UMAD1: variants seen among roughly 807,000 people sequenced by gnomAD.
UMAD1 encodes the protein UBAP1-MVB12-associated (UMA) domain containing 1.
UMAD1 carries 8 observed loss-of-function variants against 6.1 expected under a neutral mutation model. The observed-to-expected ratio is 1.30, with a 90% CI of 0.76 to 2.35. The LOEUF (loss-of-function observed/expected upper bound fraction) is 2.35. UMAD1 is among the 30% of genes most tolerant of loss of function. UMAD1 has a pLI of 0.00. For missense variants in UMAD1, 130 were observed against 78.4 expected (o/e 1.66, Z -2.49); for synonymous variants, 56 against 31.4 (o/e 1.78, Z -2.61).
intron 1 of UMAD1, among the ~76,000 whole-genome samples, chr7:7,671,344 G>T (rs1019047962): frequency 1.3e-5 from 2 of 152,200 alleles, no homozygotes; most frequent in Middle Eastern, 3.4e-3. Flanking sequence ...CAAGGCTTCA[G>T]TTGGAGACCC....
intron 1 of UMAD1, among the ~76,000 whole-genome samples, chr7:7,663,811 A>G (rs1785536343): frequency 6.6e-6 from 1 of 152,192 alleles, no homozygotes; most frequent in South Asian, 2.1e-4. Flanking sequence ...ATGGATAGGA[A>G]TTACATGCAT....
At chr7:7,829,284 G>A (rs1350244186) in intron 3 of UMAD1, among the ~76,000 whole-genome samples, 5 of 151,926 alleles carry the variant, frequency 3.3e-5, no homozygotes, top group African/African-American at 9.7e-5. Context: ...TACCTGCACT[G>A]AACAGCTAGT....
intron 3 of UMAD1, among the ~76,000 whole-genome samples, chr7:7,829,671 T>C (rs1783423313): frequency 6.6e-6 from 1 of 152,324 alleles, no homozygotes; most frequent in African/African-American, 2.4e-5. Flanking sequence ...TTAAATGTAA[T>C]GAACGAGCAT....
In UMAD1 at chr7:7,764,877, G is replaced by A. The variant is rs1781955353; in HGVS notation, c.83-36793G>A. Among the ~76,000 whole-genome samples the A allele has an allele frequency of 2.0e-5, 3 of 152,004 alleles. No individual in the cohort carries two copies. The South Asian group carries it at 6.2e-4, about 32-fold the overall frequency. ...TTCTGATCTCCAAAACTGGCCTGCT[G>A]TTTCTTTTGAAGCACTTCCTTCCCT... On this transcript the variant is annotated intron_variant, in intron 2 of 3. Coordinates refer to ENST00000682710, the MANE Select transcript of UMAD1 (RefSeq NM_001302348.2).
At chr7:7,712,282 G>A (rs941452000) in intron 2 of UMAD1, among the ~76,000 whole-genome samples, 1 of 151,994 alleles carries the variant, frequency 6.6e-6, no homozygotes, top group African/African-American at 2.4e-5. Context: ...AAATTTTATT[G>A]AACATATAGA....
At chr7:7,800,595 A>G (rs563191697) in intron 2 of UMAD1, among the ~76,000 whole-genome samples, 1 of 152,138 alleles carries the variant, frequency 6.6e-6, no homozygotes, top group Non-Finnish European at 1.5e-5. Flanking sequence ...ACCCTCTCCC[A>G]CCCTTTCCCC....
chr7:7,862,147 T>G (rs1322438710), intron 3 of UMAD1, among the ~76,000 whole-genome samples: 1 of 152,206 alleles, frequency 6.6e-6, no homozygotes, highest in African/African-American at 2.4e-5. Context: ...TATTTTTGAC[T>G]GTATCTTATG....
intron 3 of UMAD1, among the ~76,000 whole-genome samples, chr7:7,813,628 C>G (rs1286497271): frequency 6.6e-6 from 1 of 152,070 alleles, no homozygotes; most frequent in African/African-American, 2.4e-5. Context: ...AAAACTTTCT[C>G]ACAACTTTTT....
Position 7,878,869 on chromosome 7 carries a change from A to C in UMAD1, c.*1331A>C, listed in dbSNP as rs1404900003. 1 of 152,208 alleles carries C rather than the reference A, an allele frequency of 6.6e-6. No homozygotes were observed. The highest frequency in any genetic ancestry group is 2.4e-5 in the African/African-American group (1 of 41,448). 9.4% of individuals were successfully genotyped at this position (152,208 alleles called of 1,614,324 possible). On this transcript the variant is annotated 3_prime_UTR_variant, in exon 4 of 4. Coordinates refer to ENST00000682710, the MANE Select transcript of UMAD1 (RefSeq NM_001302348.2). The stretch of plus-strand genomic sequence containing the variant: ...CAAAAATATGCTTCATTTACATATA[A>C]TGTTACCATATGGTGTTAATGATTA...
intron 2 of UMAD1, among the ~76,000 whole-genome samples, chr7:7,691,409 A>G (rs1006379292): frequency 1.4e-4 from 21 of 152,356 alleles, no homozygotes; most frequent in African/African-American, 4.8e-4. Flanking sequence ...GAATTACTAA[A>G]TACATAATTT....
intron 3 of UMAD1, among the ~76,000 whole-genome samples, chr7:7,871,015 T>A (rs1784322195): frequency 6.6e-6 from 1 of 152,252 alleles, no homozygotes; most frequent in Non-Finnish European, 1.5e-5. Flanking sequence ...CCCACTTACC[T>A]TCATGTCTGT....
chr7:7,706,840 G>A (rs1780613845), intron 2 of UMAD1, among the ~76,000 whole-genome samples: 1 of 152,026 alleles, frequency 6.6e-6, no homozygotes, highest in Non-Finnish European at 1.5e-5. Flanking sequence ...TTATTTTTTG[G>A]ATAGAGCATC....
intron 3 of UMAD1, among the ~76,000 whole-genome samples, chr7:7,848,458 A>G (rs1783852130): frequency 6.6e-6 from 1 of 152,186 alleles, no homozygotes; most frequent in Admixed American, 6.5e-5. Flanking sequence ...AAGTGTTCAC[A>G]GTTTGGTTAA....
chr7:7,676,172 C>T (rs1464115345), intron 2 of UMAD1: 1 of 398,630 alleles, frequency 2.5e-6, no homozygotes, highest in East Asian at 3.6e-5. Flanking sequence ...TTTGGGTTGG[C>T]TTCGTGGCTC....
At chr7:7,741,772 A>G (rs969437241) in intron 2 of UMAD1, among the ~76,000 whole-genome samples, 2 of 151,934 alleles carry the variant, frequency 1.3e-5, no homozygotes, top group Admixed American at 6.5e-5. Flanking sequence ...TACAATTAGT[A>G]TGATAAGAGC....
intron 2 of UMAD1, among the ~76,000 whole-genome samples, chr7:7,744,015 A>G (rs183521119): frequency 6.6e-6 from 1 of 152,118 alleles, no homozygotes; most frequent in Non-Finnish European, 1.5e-5. Context: ...ACCATAGTTA[A>G]TTTTAGAACA....
chr7:7,816,581 G>A (rs1783131007), intron 3 of UMAD1, among the ~76,000 whole-genome samples: 1 of 152,238 alleles, frequency 6.6e-6, no homozygotes, highest in Non-Finnish European at 1.5e-5. Flanking sequence ...GGGACAAAGA[G>A]AATGTGGCAA....
intron 1 of UMAD1, among the ~76,000 whole-genome samples, chr7:7,653,809 G>C (rs1785281279): frequency 6.6e-6 from 1 of 152,196 alleles, no homozygotes; most frequent in South Asian, 2.1e-4. Flanking sequence ...TGCAATGTCT[G>C]CAGGCATTTT....
chr7:7,729,275 G>T (rs1438205628), intron 2 of UMAD1, among the ~76,000 whole-genome samples: 1 of 152,170 alleles, frequency 6.6e-6, no homozygotes, highest in Admixed American at 6.5e-5. Context: ...GGCAGACCCT[G>T]GTCATGCTAG....
Sources: allele counts gnomAD v4.1 joint callset (sites outside exome capture counted in the v4.1 genomes callset), GRCh38; gene constraint gnomAD v4.1.1; transcripts MANE v1.5; gene names NCBI Gene and HGNC (gene_info 2026-07-23, HGNC 2026-07-21).